The following RNF212 variants were observed in gnomAD, a reference collection of about 807,000 sequenced individuals.
RNF212 encodes ring finger protein 212, also known as probable E3 SUMO-protein ligase RNF212.
RNF212 carries 33 observed loss-of-function variants against 34.7 expected under a neutral mutation model. That is an observed-to-expected ratio of 0.95 (90% CI 0.72 to 1.27). RNF212 has a LOEUF of 1.27. RNF212 is among the 50% of genes most tolerant of loss of function. The pLI is 0.00. For synonymous variants in RNF212, 140 were observed against 136.1 expected (o/e 1.03, Z -0.20); for missense variants, 377 against 362.2 (o/e 1.04, Z -0.33).
downstream of RNF212, among the ~76,000 whole-genome samples, chr4:1,069,789 C>T (rs940662064): frequency 2.0e-5 from 3 of 152,198 alleles, no homozygotes; most frequent in African/African-American, 2.4e-5. Flanking sequence ...CTTTATTCTT[C>T]GGAACTGTTG....
chr4:1,099,580 A>T, intron 2 of RNF212: 1 of 381,774 alleles, frequency 2.6e-6, no homozygotes, highest in Non-Finnish European at 5.2e-6. Context: ...TTTTTGTTAG[A>T]CTTTTAAAAG....
downstream of RNF212, among the ~76,000 whole-genome samples, chr4:1,068,081 G>A (rs1290688634): frequency 2.0e-5 from 3 of 152,116 alleles, no homozygotes; most frequent in African/African-American, 7.2e-5. Context: ...TCAAAATCCT[G>A]GCAGACTTTC....
chr4:1,081,553 A>T lies in RNF212; in HGVS notation c.415+14T>A. The T allele has an allele frequency of 6.2e-7, 1 of 1,610,140 alleles. No homozygotes were observed. The highest frequency in any genetic ancestry group is 8.5e-7 in the Non-Finnish European group (1 of 1,176,454). Reference sequence around the variant, plus strand: ...ATCTCTATTTTGTTCTCTTTCTGGCATGATTTTACTTACTTGAAACTGAAC... The same window carrying T: ...ATCTCTATTTTGTTCTCTTTCTGGCTTGATTTTACTTACTTGAAACTGAAC... On this transcript the variant is annotated intron_variant, in intron 6 of 9. Transcript: ENST00000433731.
In RNF212 at chr4:1,080,611, C is replaced by T. The variant is rs147538043; in HGVS notation, c.464+808G>A. Among the ~76,000 whole-genome samples, 1,032 of 152,260 alleles carry T rather than the reference C, an allele frequency of 6.8e-3. 8 individuals carry two copies. The highest frequency in any genetic ancestry group is 0.017 in the South Asian group (80 of 4,824). Reference sequence around the variant, plus strand: ...TTGTGCCTGCCTGCTCTAAACCCACCAATTAAAACTCCTCACGGGAAACCT... The same window carrying T: ...TTGTGCCTGCCTGCTCTAAACCCACTAATTAAAACTCCTCACGGGAAACCT... On this transcript the variant is annotated intron_variant, in intron 7 of 9. Transcript: ENST00000433731.
intron 8 of RNF212, among the ~76,000 whole-genome samples, chr4:1,079,041 CAT>C (rs1719856929): frequency 6.6e-6 from 1 of 150,648 alleles, no homozygotes; most frequent in Admixed American, 6.6e-5. Flanking sequence ...ATGGGACCAA[CAT>C]AGAGTCAACA....
intron 8 of RNF212, among the ~76,000 whole-genome samples, chr4:1,079,287 A>G (rs200631846): frequency 2.1e-4 from 30 of 144,966 alleles, no homozygotes; most frequent in South Asian, 1.3e-3. Flanking sequence ...GGTCAACACA[A>G]GACCAACATG....
intron 2 of RNF212, chr4:1,107,333 G>A (rs993319718): frequency 1.3e-5 from 2 of 152,064 alleles, no homozygotes; most frequent in African/African-American, 4.8e-5. Context: ...TTACAGGTGT[G>A]AGCCACTGCG....
intron 4 of RNF212, among the ~76,000 whole-genome samples, chr4:1,057,465 A>C (rs779376102): frequency 2.6e-5 from 4 of 152,044 alleles, no homozygotes; most frequent in Admixed American, 6.6e-5. Flanking sequence ...GAGCAGGGGG[A>C]GGTGAACTGT....
chr4:1,069,008 G>A (rs1419060919), downstream of RNF212, among the ~76,000 whole-genome samples: 1 of 152,146 alleles, frequency 6.6e-6, no homozygotes, highest in Non-Finnish European at 1.5e-5. Context: ...AGGAGTTTGA[G>A]ACCATCATGG....
chr4:1,064,751 G>C (rs750286157), intron 3 of RNF212, among the ~76,000 whole-genome samples: 2 of 152,134 alleles, frequency 1.3e-5, no homozygotes, highest in Non-Finnish European at 2.9e-5. Context: ...CTCTATAACT[G>C]TTTTCATTTT....
At chr4:1,100,409 T>A in intron 2 of RNF212, 1 of 148,624 alleles carries the variant, frequency 6.7e-6, no homozygotes, top group South Asian at 2.0e-4. Flanking sequence ...TTTTTTTTTT[T>A]TTTTTTTTTT....
chr4:1,093,067 A>G (rs1722451867), intron 3 of RNF212, among the ~76,000 whole-genome samples: 1 of 152,208 alleles, frequency 6.6e-6, no homozygotes, highest in Non-Finnish European at 1.5e-5. Flanking sequence ...TTAGAGGATT[A>G]CTGGGAAGAG....
intron 8 of RNF212, among the ~76,000 whole-genome samples, chr4:1,076,170 T>C (rs1719264634): frequency 6.6e-6 from 1 of 152,142 alleles, no homozygotes; most frequent in African/African-American, 2.4e-5. Flanking sequence ...GAAGGCAGAC[T>C]CTCCCTTGCC....
chr4:1,105,899 G>A (rs1289307696), intron 2 of RNF212, among the ~76,000 whole-genome samples: 1 of 152,252 alleles, frequency 6.6e-6, no homozygotes, highest in African/African-American at 2.4e-5. Context: ...GCCAGGCACT[G>A]AGGCGGACGA....
At chr4:1,083,886 A>C (rs1720753759) in intron 5 of RNF212, among the ~76,000 whole-genome samples, 1 of 152,066 alleles carries the variant, frequency 6.6e-6, no homozygotes, top group Non-Finnish European at 1.5e-5. Context: ...GAATCCACAG[A>C]ATGAAAGAAA....
chr4:1,112,479 C>G (rs972121893), intron 1 of RNF212, among the ~76,000 whole-genome samples: 1 of 151,268 alleles, frequency 6.6e-6, no homozygotes, highest in Non-Finnish European at 1.5e-5. Flanking sequence ...CAGTTCAACA[C>G]AAAATTTTCA....
Position 1,072,940 on chromosome 4 carries a change from C to G in RNF212, c.828G>C (p.Thr276=). 2 of 1,613,972 alleles carry G rather than the reference C, an allele frequency of 1.2e-6. No homozygotes were observed. Among genetic ancestry groups the G allele is most frequent in the Non-Finnish European group, 1.7e-6 (2 of 1,179,876 alleles). The change falls in exon 10 of 10, where the codon ACG becomes ACC. Residue 276 remains threonine (T), a synonymous_variant. Transcript: ENST00000433731. ...PFQQAEGTLD[T]FRTPAVSVVF... ...CAACAGACACAGCGGGTGTTCTGAA[C>G]GTGTCCAGGGTGCCCTCAGCCTGCT...
At chr4:1,093,470 T>C (rs1291628429) in intron 3 of RNF212, 12 of 1,448,902 alleles carry the variant, frequency 8.3e-6, no homozygotes, top group African/African-American at 1.4e-5. Flanking sequence ...CCACCCTGCG[T>C]TTGTGATGCT....
At position 1,082,043 on chromosome 4, in the gene RNF212, G is replaced by A. The variant is rs1013894369; in HGVS notation, c.363-424C>T. ...GGGCGGGAGGATTGGTTGAGCCCAG[G>A]AGTTGGAGGCTACAGTGAGCTGTGA... On this transcript the variant is annotated intron_variant, in intron 5 of 9. Transcript: ENST00000433731. The A allele has an allele frequency of 8.4e-5, 19 of 227,068 alleles. No homozygotes were observed. In the East Asian group the frequency reaches 2.1e-3, roughly 25 times the overall value. 14.1% of individuals were successfully genotyped at this position (227,068 alleles called of 1,614,324 possible).
Sources: gnomAD v4.1 joint callset for allele counts (sites outside exome capture counted in the v4.1 genomes callset) on GRCh38, gnomAD v4.1.1 for gene constraint, MANE v1.5 for transcripts, NCBI Gene and HGNC (gene_info 2026-07-23, HGNC 2026-07-21) for gene names.